Variants in D2HGDH observed in about 807,000 individuals in gnomAD.
D2HGDH encodes the protein D-2-hydroxyglutarate dehydrogenase, also known as D-2-hydroxyglutarate dehydrogenase, mitochondrial.
In D2HGDH, 31 loss-of-function variants were observed where a neutral mutation model predicts 46.9. The observed-to-expected ratio is 0.66, with a 90% confidence interval of 0.50 to 0.89. The LOEUF (loss-of-function observed/expected upper bound fraction) is 0.89. Ranked by LOEUF, D2HGDH falls within the 40% of genes least tolerant of loss-of-function variation. The pLI is 0.00. For synonymous variants in D2HGDH, 364 were observed against 332.6 expected (o/e 1.09, Z -1.03); for missense variants, 698 against 720.8 (o/e 0.97, Z 0.36).
chr2:241,758,270 AT>A (rs1452671508), intron 9 of D2HGDH, among the ~76,000 whole-genome samples: 1 of 152,164 alleles, frequency 6.6e-6, no homozygotes, highest in Non-Finnish European at 1.5e-5. Flanking sequence ...TAACATGAAT[AT>A]TATGCAGAAC....
intron 6 of D2HGDH, among the ~76,000 whole-genome samples, chr2:241,746,074 C>T (rs1392281485): frequency 3.3e-5 from 5 of 152,176 alleles, no homozygotes; most frequent in African/African-American, 1.2e-4. Context: ...ATTTCTTAAA[C>T]CTGTGGCTTG....
At position 241,735,405 on chromosome 2, in the gene D2HGDH, A is replaced by G. The variant is rs1470070240; in HGVS notation, c.181A>G (p.Thr61Ala). The G allele has an allele frequency of 2.5e-6, 4 of 1,602,756 alleles. No individual in the cohort carries two copies. Among genetic ancestry groups the G allele is most frequent in the Admixed American group, 3.4e-5 (2 of 57,994 alleles). ...RYPVRRLPFS[T>A]VSKQDLAAFE... Reference sequence around the variant, plus strand: ...CCCCGTGCGGCGCTTGCCGTTCTCCACGGTGTCTAAGCAGGACCTGGCCGC... The same window carrying G: ...CCCCGTGCGGCGCTTGCCGTTCTCCGCGGTGTCTAAGCAGGACCTGGCCGC... The change falls in exon 2 of 10, where the codon ACG becomes GCG. Residue 61 changes from threonine (T) to alanine (A), a missense_variant. Thr to Ala is a moderately conservative substitution (Grantham distance 58, BLOSUM62 0). Transcript: ENST00000321264.
chr2:241,739,233 C>T (rs1693754537), intron 2 of D2HGDH, among the ~76,000 whole-genome samples: 2 of 152,212 alleles, frequency 1.3e-5, no homozygotes, highest in African/African-American at 4.8e-5. Flanking sequence ...CATTCTGTGT[C>T]TGGAACGCGG....
chr2:241,748,278 G>A (rs1280018212), intron 6 of D2HGDH, among the ~76,000 whole-genome samples: 7 of 151,958 alleles, frequency 4.6e-5, no homozygotes, highest in Non-Finnish European at 7.4e-5. Context: ...CCACCATCAC[G>A]CCCAGCTAAT....
Position 241,759,756 on chromosome 2 carries a change from C to T in D2HGDH, c.1306+3742C>T, listed in dbSNP as rs190246670. Among the ~76,000 whole-genome samples, 525 of 152,194 alleles carry T rather than the reference C, an allele frequency of 3.4e-3. 1 individual carries two copies. The highest frequency in any genetic ancestry group is 5.9e-3 in the Non-Finnish European group (403 of 68,014). On this transcript the variant is annotated intron_variant, in intron 9 of 9. Coordinates refer to ENST00000321264, the MANE Select transcript of D2HGDH (RefSeq NM_152783.5). Reference sequence around the variant, plus strand: ...TGTTCTTTGTCATTTAGCTTTTTGCCGTTTACTAACTGTTGGTGGTCGCCC... The same window carrying T: ...TGTTCTTTGTCATTTAGCTTTTTGCTGTTTACTAACTGTTGGTGGTCGCCC...
At position 241,750,208 on chromosome 2, in the gene D2HGDH, G is replaced by T; in HGVS notation, c.911G>T (p.Gly304Val). The T allele has an allele frequency of 6.2e-7, 1 of 1,614,110 alleles. No individual in the cohort carries two copies. The highest frequency in any genetic ancestry group is 8.5e-7 in the Non-Finnish European group (1 of 1,180,030). Residue 304 changes from glycine (G) to valine (V), a missense_variant, in exon 7 of 10, where the codon GGT (glycine) becomes GTT (valine). Coordinates refer to ENST00000321264, the MANE Select transcript of D2HGDH (RefSeq NM_152783.5). ...QTFSTCKGML[G>V]EILSAFEFMD... ...TTCAGCACCTGCAAGGGGATGCTGG[G>T]TGAGATCCTGTCTGCATTCGAGTTC... is the stretch of plus-strand genomic sequence containing the variant.
At chr2:241,747,499 G>A (rs964966333) in intron 6 of D2HGDH, among the ~76,000 whole-genome samples, 1 of 151,538 alleles carries the variant, frequency 6.6e-6, no homozygotes, top group African/African-American at 2.4e-5. Flanking sequence ...GCAAGTCAGT[G>A]TAGGGCTGTG....
At chr2:241,749,592 G>A (rs1696748219) in intron 6 of D2HGDH, 1 of 326,352 alleles carries the variant, frequency 3.1e-6, no homozygotes, top group Admixed American at 4.6e-5. Context: ...AGACCTGAGT[G>A]CTGATTGTGT....
intron 8 of D2HGDH, among the ~76,000 whole-genome samples, chr2:241,753,293 G>A (rs1285498806): frequency 6.6e-6 from 1 of 151,914 alleles, no homozygotes; most frequent in African/African-American, 2.4e-5. Flanking sequence ...AGGCTTTTCT[G>A]TGCTGTTGTC....
At position 241,742,641 on chromosome 2, in the gene D2HGDH, G is replaced by A; in HGVS notation, c.490+67G>A. The stretch of plus-strand genomic sequence containing the variant: ...GTGCTGGTGGAGTTCTTCCTTGCCA[G>A]CGTCTGCAACTGTGGGGTGCTTGGG... On this transcript the variant is annotated intron_variant, in intron 4 of 9. Coordinates refer to ENST00000321264, the MANE Select transcript of D2HGDH (RefSeq NM_152783.5). The surrounding 1 kb of genome is among the most constrained non-coding windows in gnomAD (Gnocchi z 4.8). 1 of 1,599,044 alleles carries A rather than the reference G, an allele frequency of 6.3e-7. No individual in the cohort carries two copies. The highest frequency in any genetic ancestry group is 8.6e-7 in the Non-Finnish European group (1 of 1,166,960).
At chr2:241,764,522 G>A (rs77984138) in intron 9 of D2HGDH, among the ~76,000 whole-genome samples, 19,503 of 152,286 alleles carry the variant, frequency 0.13, 1,330 homozygotes, top group South Asian at 0.2. Flanking sequence ...GCATCTCGGA[G>A]GAGGCAGGGA....
At chr2:241,755,674 A>AT (rs1333234472) in intron 8 of D2HGDH, 175 bp from the exon 9 acceptor site, 106 of 1,546,260 alleles carry the variant, frequency 6.9e-5, no homozygotes, top group Non-Finnish European at 9.1e-5. Flanking sequence ...GGTCTGGGAC[A>AT]TTCGCTGTCT....
intron 6 of D2HGDH, among the ~76,000 whole-genome samples, chr2:241,746,590 C>T (rs1695917606): frequency 6.6e-6 from 1 of 152,064 alleles, no homozygotes; most frequent in Non-Finnish European, 1.5e-5. Flanking sequence ...CCTGTCTCTA[C>T]TAAAAGTACA....
rs570681318 is a variant in D2HGDH at position 241,753,157 on chromosome 2, C to T, written c.1140+1769C>T. On this transcript the variant is annotated intron_variant, in intron 8 of 9. Transcript: ENST00000321264. ...GAGACGCCTTGTGTGTCTGTCACCT[C>T]GTTCTGGCTCATGCTCGACGGGTAG... is the stretch of plus-strand genomic sequence containing the variant. 9.1e-4 allele frequency among the ~76,000 whole-genome samples: 139 copies of T among 152,350 alleles called. 2 individuals carry two copies. Among genetic ancestry groups the T allele is most frequent in the Middle Eastern group, 3.4e-3 (1 of 294 alleles).
rs373292652 is a variant in D2HGDH at position 241,764,956 on chromosome 2, C to CGGGCCA, written c.1307-2744_1307-2739dup. On this transcript the variant is annotated intron_variant, in intron 9 of 9. Coordinates refer to ENST00000321264, the MANE Select transcript of D2HGDH (RefSeq NM_152783.5). Reference sequence around the variant, plus strand: ...TCAGAAGAGGAGGTTGTGCGTGGGGCGGGCCAGGGCCAGGGTGTGCTTGGA... The same window carrying CGGGCCA: ...TCAGAAGAGGAGGTTGTGCGTGGGGCGGGCCAGGGCCAGGGCCAGGGTGTGCTTGGA... Among the ~76,000 whole-genome samples, 389 of 152,276 alleles carry CGGGCCA rather than the reference C, an allele frequency of 2.6e-3. 2 individuals are homozygous for CGGGCCA. The highest frequency in any genetic ancestry group is 9.0e-3 in the African/African-American group (376 of 41,556).
Position 241,762,610 on chromosome 2 carries a change from A to G in D2HGDH, c.1307-5100A>G, listed in dbSNP as rs1415334068. On this transcript the variant is annotated intron_variant, in intron 9 of 9. Transcript: ENST00000321264. ...TTCCTCTGTTCTCCTCTTGGAACTC[A>G]GTCCAAGCCCCCTTGTTTCTTATCG... is the stretch of plus-strand genomic sequence containing the variant. Among the ~76,000 whole-genome samples, 3 of 152,250 alleles carry G rather than the reference A, an allele frequency of 2.0e-5. No individual in the cohort carries two copies. In the East Asian group the frequency reaches 5.8e-4, roughly 29 times the overall value.
At chr2:241,758,235 A>G (rs1000442431) in intron 9 of D2HGDH, among the ~76,000 whole-genome samples, 10 of 152,266 alleles carry the variant, frequency 6.6e-5, no homozygotes, top group Middle Eastern at 3.4e-3. Context: ...TCTTCTGTCC[A>G]TGCTGGATTT....
chr2:241,744,596 C>G, intron 5 of D2HGDH, 113 bp from the exon 6 acceptor site: 1 of 1,302,938 alleles, frequency 7.7e-7, no homozygotes, highest in South Asian at 1.2e-5. Flanking sequence ...GTCCATCCTT[C>G]AGCCTCTTGG....
At chr2:241,746,177 A>C (rs1644711497) in intron 6 of D2HGDH, among the ~76,000 whole-genome samples, 1 of 152,084 alleles carries the variant, frequency 6.6e-6, no homozygotes, top group African/African-American at 2.4e-5. Context: ...TTCAGGATAG[A>C]ATGTCTCAGT....
Sources: allele counts gnomAD v4.1 joint callset (sites outside exome capture counted in the v4.1 genomes callset), GRCh38; gene constraint gnomAD v4.1.1; non-coding constraint Gnocchi (gnomAD v3.1); transcripts MANE v1.5; gene names NCBI Gene and HGNC (gene_info 2026-07-23, HGNC 2026-07-21).